The following MDGA2 variants were observed in gnomAD, a reference collection of about 807,000 sequenced individuals.
MDGA2 encodes the protein MAM domain-containing glycosylphosphatidylinositol anchor protein 2.
A neutral mutation model predicts 117.8 loss-of-function variants in MDGA2; 40 were observed. That is an observed-to-expected ratio of 0.34 (90% CI 0.26 to 0.44). MDGA2 has a LOEUF of 0.44. MDGA2 is among the 20% of genes least tolerant of loss of function. The pLI, the probability that MDGA2 is intolerant of heterozygous loss-of-function variation, is 1.00. For synonymous variants in MDGA2, 452 were observed against 439.0 expected (o/e 1.03, Z -0.37); for missense variants, 1,123 against 1,250.6 (o/e 0.90, Z 1.54).
At chr14:47,238,391 C>T (rs1307863594) in intron 2 of MDGA2, among the ~76,000 whole-genome samples, 2 of 145,956 alleles carry the variant, frequency 1.4e-5, no homozygotes, top group Non-Finnish European at 3.1e-5. Flanking sequence ...TAATACTCAC[C>T]TCCCTTCTAT....
chr14:47,556,645 G>A (rs1335801242), intron 1 of MDGA2, among the ~76,000 whole-genome samples: 1 of 152,152 alleles, frequency 6.6e-6, no homozygotes, highest in Non-Finnish European at 1.5e-5. Context: ...CCAGTCTGCA[G>A]AATGGAGAAA....
At chr14:47,480,387 T>C (rs1315143793) in intron 1 of MDGA2, among the ~76,000 whole-genome samples, 1 of 151,980 alleles carries the variant, frequency 6.6e-6, no homozygotes, top group African/African-American at 2.4e-5. Context: ...TAAGCAGCAA[T>C]AATACTATAA....
intron 8 of MDGA2, among the ~76,000 whole-genome samples, chr14:47,032,944 A>C (rs1024597340): frequency 6.6e-6 from 1 of 152,182 alleles, no homozygotes; most frequent in Non-Finnish European, 1.5e-5. Context: ...TTCCTCTGAG[A>C]GGAAATGCAG....
chr14:47,441,720 G>A (rs545048327), intron 1 of MDGA2, among the ~76,000 whole-genome samples: 1 of 152,224 alleles, frequency 6.6e-6, no homozygotes, highest in East Asian at 1.9e-4. Flanking sequence ...TATATACTTG[G>A]TAGATAAACT....
intron 1 of MDGA2, among the ~76,000 whole-genome samples, chr14:47,559,949 G>A (rs1895764193): frequency 6.6e-6 from 1 of 152,108 alleles, no homozygotes; most frequent in African/African-American, 2.4e-5. Flanking sequence ...CAAATGGCAC[G>A]TCTAAGTTCT....
chr14:46,913,663 A>G (rs1291368545), intron 10 of MDGA2, among the ~76,000 whole-genome samples: 10 of 152,176 alleles, frequency 6.6e-5, no homozygotes, highest in Admixed American at 3.3e-4. Context: ...ACTCGTGGTC[A>G]CCGTTTAAGA....
At chr14:47,437,105 G>T (rs1321083848) in intron 1 of MDGA2, among the ~76,000 whole-genome samples, 1 of 151,758 alleles carries the variant, frequency 6.6e-6, no homozygotes, top group African/African-American at 2.4e-5. Context: ...TGGTGGGGAG[G>T]GGGACAATTC....
intron 1 of MDGA2, among the ~76,000 whole-genome samples, chr14:47,528,033 T>C (rs1895008484): frequency 1.3e-5 from 2 of 152,174 alleles, no homozygotes; most frequent in Non-Finnish European, 2.9e-5. Flanking sequence ...TAAGACTCCT[T>C]CTTTAGATGT....
In MDGA2 at chr14:47,055,042, C is replaced by T. The variant is rs182087846; in HGVS notation, c.1525+6207G>A. On this transcript the variant is annotated intron_variant, in intron 7 of 16. Coordinates refer to ENST00000399232, the MANE Select transcript of MDGA2 (RefSeq NM_001113498.3). ...TTTCCAACAGATCTCACTCTGTCAC[C>T]CAGGCAATTTTTATCTTAATGAAAG... 3.0e-4 allele frequency among the ~76,000 whole-genome samples: 43 copies of T among 145,432 alleles called. No homozygotes were observed. In the East Asian group the frequency reaches 7.9e-3, roughly 27 times the overall value.
intron 14 of MDGA2, among the ~76,000 whole-genome samples, chr14:46,857,605 G>A (rs1446023618): frequency 6.6e-6 from 1 of 151,978 alleles, no homozygotes; most frequent in African/African-American, 2.4e-5. Flanking sequence ...GTTATGCTGA[G>A]TTTCTTCTAA....
At chr14:47,279,314 T>A (rs574338264) in intron 2 of MDGA2, among the ~76,000 whole-genome samples, 11 of 152,306 alleles carry the variant, frequency 7.2e-5, no homozygotes, top group African/African-American at 2.6e-4. Context: ...TCAGGCTTAT[T>A]AATAAGTGTT....
At chr14:47,523,539 C>A (rs577182947) in intron 1 of MDGA2, among the ~76,000 whole-genome samples, 13 of 152,038 alleles carry the variant, frequency 8.6e-5, no homozygotes, top group Non-Finnish European at 1.5e-4. Context: ...CATCTGTAAT[C>A]GATCCATGGA....
chr14:47,095,546 C>A (rs1384002073), intron 6 of MDGA2, among the ~76,000 whole-genome samples: 1 of 151,800 alleles, frequency 6.6e-6, no homozygotes, highest in Admixed American at 6.6e-5. Context: ...TTTCAATAAT[C>A]TTCTATCTCA....
At chr14:47,382,451 CCCATCTGACA>C (rs1255083431) in intron 1 of MDGA2, among the ~76,000 whole-genome samples, 1 of 152,140 alleles carries the variant, frequency 6.6e-6, no homozygotes, top group Non-Finnish European at 1.5e-5. Flanking sequence ...TTACAATCTA[CCCATCTGACA>C]AAGGGCTAAT....
intron 8 of MDGA2, among the ~76,000 whole-genome samples, chr14:46,982,734 A>AAAAAAAAAAAAAAAAAAAAAAT (rs1449356596): frequency 3.1e-5 from 4 of 130,326 alleles, no homozygotes; most frequent in Non-Finnish European, 3.4e-5. Context: ...AAAAAAAAAA[A>AAAAAAAAAAAAAAAAAAAAAAT]AATCATGTCA....
At chr14:47,012,048 G>GATGATTTCCTCAATCTCC (rs1887912461) in intron 8 of MDGA2, among the ~76,000 whole-genome samples, 1 of 151,918 alleles carries the variant, frequency 6.6e-6, no homozygotes, top group African/African-American at 2.4e-5. Context: ...TTAAGATTTT[G>GATGATTTCCTCAATCTCC]ATGATTTCCT....
At chr14:46,912,107 T>C (rs563624831) in intron 10 of MDGA2, among the ~76,000 whole-genome samples, 1 of 152,292 alleles carries the variant, frequency 6.6e-6, no homozygotes, top group East Asian at 1.9e-4. Flanking sequence ...TCCATACAGA[T>C]AGTGGTCCCA....
chr14:47,210,028 T>C (rs1428581034), intron 3 of MDGA2, among the ~76,000 whole-genome samples: 5 of 152,206 alleles, frequency 3.3e-5, no homozygotes, highest in African/African-American at 1.2e-4. Context: ...ATCAAGTTGA[T>C]GGTTCCAATA....
In MDGA2 at chr14:47,658,796, C is replaced by A. The variant is rs1594967561; in HGVS notation, c.280+15721G>T. On this transcript the variant is annotated intron_variant, in intron 1 of 16. Coordinates refer to ENST00000399232, the MANE Select transcript of MDGA2 (RefSeq NM_001113498.3). ...TATATTGGCTCTGCCCCAGGGGCAA[C>A]CCACGTCCAAGGACTGGTAGAAAAG... 2.0e-5 allele frequency among the ~76,000 whole-genome samples: 3 copies of A among 152,310 alleles called. No individual in the cohort carries two copies. The South Asian group carries it at 6.2e-4, about 32-fold the overall frequency.
Sources: gnomAD v4.1 joint callset for allele counts (sites outside exome capture counted in the v4.1 genomes callset) on GRCh38, gnomAD v4.1.1 for gene constraint, MANE v1.5 for transcripts, NCBI Gene and HGNC (gene_info 2026-07-23, HGNC 2026-07-21) for gene names.